The following EPB41L5 variants were observed in gnomAD, a reference collection of about 807,000 sequenced individuals.
EPB41L5 encodes erythrocyte membrane protein band 4.1 like 5, also known as band 4.1-like protein 5.
A neutral mutation model predicts 106.6 loss-of-function variants in EPB41L5; 55 were observed. The observed-to-expected ratio is 0.52, with a 90% confidence interval of 0.42 to 0.65. EPB41L5 has a LOEUF of 0.65. Ranked by LOEUF, EPB41L5 falls within the 30% of genes least tolerant of loss-of-function variation. EPB41L5 has a pLI of 0.00. For missense variants in EPB41L5, 871 were observed against 882.1 expected, an observed-to-expected ratio of 0.99 and a Z score of 0.16; for synonymous variants, 297 against 306.7, an observed-to-expected ratio of 0.97 and a Z score of 0.33.
chr2:120,124,708 G>A (rs530611376), intron 16 of EPB41L5, among the ~76,000 whole-genome samples: 16 of 152,092 alleles, frequency 1.1e-4, no homozygotes, highest in Middle Eastern at 3.4e-3. Flanking sequence ...CTGATCCAGC[G>A]TATAATAAAG....
At chr2:120,017,789 G>T (rs1013582636) in intron 1 of EPB41L5, among the ~76,000 whole-genome samples, 1 of 152,104 alleles carries the variant, frequency 6.6e-6, no homozygotes, top group Admixed American at 6.6e-5. Context: ...GCTCAGAAAA[G>T]AAATGGAACT....
Position 120,019,198 on chromosome 2 carries a change from T to G in EPB41L5, c.114T>G (p.Asp38Glu). ...RAATHIPAAG[D>E]SKSIITCRVS... The stretch of plus-strand genomic sequence containing the variant: ...CCACACATATTCCTGCAGCTGGAGA[T>G]TCTAAGTCCATCATCACGTGTCGGG... The change falls in exon 2 of 25, where the codon GAT becomes GAG. Residue 38 changes from aspartate (D) to glutamate (E), a missense_variant. By Grantham distance (45) the Asp-to-Glu change is conservative (BLOSUM62 2). Transcript: ENST00000263713. 3 of 1,613,948 alleles carry G rather than the reference T, an allele frequency of 1.9e-6. No homozygotes were observed. Among genetic ancestry groups the G allele is most frequent in the Non-Finnish European group, 2.5e-6 (3 of 1,179,994 alleles).
chr2:120,097,063 AAT>A (rs1454681774), intron 14 of EPB41L5, among the ~76,000 whole-genome samples: 1 of 152,236 alleles, frequency 6.6e-6, no homozygotes, highest in African/African-American at 2.4e-5. Flanking sequence ...TTTCTGGTAA[AAT>A]ATGAATATAT....
intron 20 of EPB41L5, among the ~76,000 whole-genome samples, chr2:120,149,053 C>T (rs559380592): frequency 6.6e-6 from 1 of 152,248 alleles, no homozygotes; most frequent in African/African-American, 2.4e-5. Flanking sequence ...TTATACTCAT[C>T]CTAGTGAGTA....
chr2:120,076,320 T>G (rs1206851154), intron 7 of EPB41L5, among the ~76,000 whole-genome samples: 1 of 151,802 alleles, frequency 6.6e-6, no homozygotes, highest in Non-Finnish European at 1.5e-5. Context: ...TTTGTTTTGT[T>G]TTTTTTTGAG....
rs1687776721 is a variant in EPB41L5 at position 120,173,434 on chromosome 2, C to T, written c.2136-1407C>T. Among the ~76,000 whole-genome samples the T allele has an allele frequency of 2.6e-5, 4 of 152,252 alleles. No individual in the cohort carries two copies. The South Asian group carries it at 8.3e-4, about 32-fold the overall frequency. On this transcript the variant is annotated intron_variant, in intron 24 of 24. Coordinates refer to ENST00000263713, the MANE Select transcript of EPB41L5 (RefSeq NM_020909.4). Reference sequence around the variant, plus strand: ...GGCTGCTGGGCTCCACCCTCATAGTCTGATTCGGTATATCTGGGGTGGGGT... The same window carrying T: ...GGCTGCTGGGCTCCACCCTCATAGTTTGATTCGGTATATCTGGGGTGGGGT...
At position 120,160,908 on chromosome 2, in the gene EPB41L5, C is replaced by T. The variant is rs368673758; in HGVS notation, c.1821C>T (p.Pro607=). Residue 607 remains proline (P), a synonymous_variant, in exon 21 of 25, where the codon CCC becomes CCT. Coordinates refer to ENST00000263713, the MANE Select transcript of EPB41L5 (RefSeq NM_020909.4). ...CTGTGTTAAATGAGAATAATGTGCCCCTCCCCAAAGAGTCTCTTGAGACTC... is the reference window on the plus strand; with the variant it reads ...CTGTGTTAAATGAGAATAATGTGCCTCTCCCCAAAGAGTCTCTTGAGACTC... ...NSAVLNENNV[P]LPKESLETLM... The T allele has an allele frequency of 6.8e-6, 11 of 1,613,418 alleles. No individual in the cohort carries two copies. In the African/African-American group the frequency reaches 9.3e-5, roughly 14 times the overall value.
chr2:120,135,311 A>G (rs1320898346), intron 18 of EPB41L5, among the ~76,000 whole-genome samples: 2 of 152,178 alleles, frequency 1.3e-5, no homozygotes, highest in Non-Finnish European at 2.9e-5. Context: ...TATAGCTTCA[A>G]AAGGACAAAT....
chr2:120,100,397 G>T, intron 15 of EPB41L5, 111 bp downstream of exon 15: 1 of 1,022,136 alleles, frequency 9.8e-7, no homozygotes, highest in South Asian at 1.5e-5. Context: ...CAAATTATGT[G>T]CATTTTCTTT....
intron 10 of EPB41L5, among the ~76,000 whole-genome samples, chr2:120,082,440 C>T (rs1486379771): frequency 3.3e-5 from 5 of 152,112 alleles, no homozygotes; most frequent in Non-Finnish European, 7.4e-5. Flanking sequence ...ACCAGCCTTG[C>T]GTCCCAGGGA....
At chr2:120,103,694 T>C (rs1477473722) in intron 16 of EPB41L5, among the ~76,000 whole-genome samples, 1 of 152,202 alleles carries the variant, frequency 6.6e-6, no homozygotes, top group African/African-American at 2.4e-5. Context: ...GTTAAGTAGA[T>C]TATGAATATT....
intron 11 of EPB41L5, among the ~76,000 whole-genome samples, chr2:120,088,164 T>G (rs1558863862): frequency 6.6e-6 from 1 of 152,244 alleles, no homozygotes; most frequent in Non-Finnish European, 1.5e-5. Context: ...GAAAATTTTT[T>G]TTTTGAATCC....
intron 3 of EPB41L5, among the ~76,000 whole-genome samples, chr2:120,062,000 ATTTT>A (rs1681117485): frequency 6.6e-6 from 1 of 151,980 alleles, no homozygotes; most frequent in Non-Finnish European, 1.5e-5. Context: ...CTGAATTTTG[ATTTT>A]TTTGAGATCC....
intron 3 of EPB41L5, among the ~76,000 whole-genome samples, chr2:120,046,745 C>T (rs1679806628): frequency 6.6e-6 from 1 of 152,058 alleles, no homozygotes; most frequent in Non-Finnish European, 1.5e-5. Context: ...ATGCCTATAT[C>T]CTGAATGGTA....
At chr2:120,126,720 A>G (rs551572354) in intron 16 of EPB41L5, among the ~76,000 whole-genome samples, 89 of 152,314 alleles carry the variant, frequency 5.8e-4, no homozygotes, top group South Asian at 2.5e-3. Flanking sequence ...TTCAAATTCA[A>G]TAGTGTACAT....
intron 7 of EPB41L5, 137 bp from the exon 8 acceptor site, chr2:120,076,834 G>T: frequency 1.4e-6 from 1 of 716,144 alleles, no homozygotes; most frequent in Non-Finnish European, 2.2e-6. Context: ...ATTTACTTTT[G>T]GAGACTTGTC....
chr2:120,109,875 G>A (rs776563760), intron 16 of EPB41L5, among the ~76,000 whole-genome samples: 1 of 152,154 alleles, frequency 6.6e-6, no homozygotes, highest in South Asian at 2.1e-4. Flanking sequence ...CTGACACAGA[G>A]GACTGGGTAT....
rs73952056 is a variant in EPB41L5, at chr2:120,165,211, T to G, written c.1962+301T>G. 5.3e-3 allele frequency among the ~76,000 whole-genome samples: 810 copies of G among 152,324 alleles called. 5 individuals are homozygous for G. The highest frequency in any genetic ancestry group is 0.019 in the African/African-American group (780 of 41,564). On this transcript the variant is annotated intron_variant, in intron 22 of 24. Coordinates refer to ENST00000263713, the MANE Select transcript of EPB41L5 (RefSeq NM_020909.4). ...GACAATAAGGATATATTTAATTTTTTAAAAAGTTTTATAGAAAGATGAGAG... is the reference window on the plus strand; with the variant it reads ...GACAATAAGGATATATTTAATTTTTGAAAAAGTTTTATAGAAAGATGAGAG...
At chr2:120,159,420 T>A (rs1687043831) in intron 20 of EPB41L5, among the ~76,000 whole-genome samples, 1 of 50,960 alleles carries the variant, frequency 2.0e-5, no homozygotes. Context: ...GGAGACTCCA[T>A]CTCAAAAAAA....
Sources: allele counts gnomAD v4.1 joint callset (sites outside exome capture counted in the v4.1 genomes callset), GRCh38; gene constraint gnomAD v4.1.1; transcripts MANE v1.5; gene names NCBI Gene and HGNC (gene_info 2026-07-23, HGNC 2026-07-21).